The following ASIC2 variants were observed in gnomAD, a reference collection of about 807,000 sequenced individuals.
The protein encoded by ASIC2 is acid-sensing ion channel 2.
In ASIC2, 25 loss-of-function variants were observed where a neutral mutation model predicts 57.3. The ratio of observed to expected loss-of-function variants is 0.44; its 90% CI spans 0.32 to 0.61. ASIC2 has a LOEUF of 0.61. Ranked by LOEUF, ASIC2 falls within the 20% of genes least tolerant of loss-of-function variation. The pLI is 0.06. For synonymous variants in ASIC2, 319 were observed against 307.5 expected, an observed-to-expected ratio of 1.04 and a Z score of -0.39; for missense variants, 641 against 738.1, an observed-to-expected ratio of 0.87 and a Z score of 1.52.
intron 1 of ASIC2, among the ~76,000 whole-genome samples, chr17:33,657,844 G>T (rs1206097831): frequency 6.6e-6 from 1 of 151,852 alleles, no homozygotes; most frequent in Non-Finnish European, 1.5e-5. Flanking sequence ...AACTTAGTTG[G>T]AATCCAACAG....
intron 1 of ASIC2, among the ~76,000 whole-genome samples, chr17:33,998,519 C>T (rs752724227): frequency 6.6e-6 from 1 of 152,080 alleles, no homozygotes; most frequent in Non-Finnish European, 1.5e-5. Context: ...ATAAACCTCC[C>T]TCTTAGAGCA....
intron 1 of ASIC2, among the ~76,000 whole-genome samples, chr17:33,361,154 A>G (rs1470178617): frequency 6.6e-5 from 10 of 152,208 alleles, no homozygotes; most frequent in Middle Eastern, 3.2e-3. Context: ...CCCAACCTTG[A>G]ATGGAGGATA....
chr17:33,853,391 G>A (rs1034628724), intron 1 of ASIC2, among the ~76,000 whole-genome samples: 1 of 152,140 alleles, frequency 6.6e-6, no homozygotes, highest in African/African-American at 2.4e-5. Flanking sequence ...GCACAGTGCT[G>A]GGCACACATG....
At chr17:33,764,743 G>A (rs184441156) in intron 1 of ASIC2, among the ~76,000 whole-genome samples, 3 of 152,266 alleles carry the variant, frequency 2.0e-5, no homozygotes, top group Admixed American at 6.5e-5. Flanking sequence ...ACATGTTAAA[G>A]GCCCCATCTG....
chr17:33,677,202 T>C (rs1907849112), intron 1 of ASIC2, among the ~76,000 whole-genome samples: 1 of 152,214 alleles, frequency 6.6e-6, no homozygotes, highest in Non-Finnish European at 1.5e-5. Flanking sequence ...AACAGCCTTA[T>C]ATTGGAAGAA....
At chr17:33,982,873 C>T (rs1905675260) in intron 1 of ASIC2, among the ~76,000 whole-genome samples, 1 of 152,210 alleles carries the variant, frequency 6.6e-6, no homozygotes, top group African/African-American at 2.4e-5. Flanking sequence ...GTGTATAGAA[C>T]TCCCTGATAT....
chr17:33,591,149 C>T lies in ASIC2; in HGVS notation c.556-479082G>A, dbSNP rs147004719. Among the ~76,000 whole-genome samples, 238 of 152,324 alleles carry T rather than the reference C, an allele frequency of 1.6e-3. 1 individual carries two copies. Among genetic ancestry groups the T allele is most frequent in the African/African-American group, 5.6e-3 (234 of 41,576 alleles). On this transcript the variant is annotated intron_variant, in intron 1 of 9. Coordinates refer to the ASIC2 transcript ENST00000359872. Reference sequence around the variant, plus strand: ...TAAAAGGCTGTCTACTTTTAAGTAACTCCTTTGCTTTCATTTGGGAAAGCT... The same window carrying T: ...TAAAAGGCTGTCTACTTTTAAGTAATTCCTTTGCTTTCATTTGGGAAAGCT...
chr17:34,071,717 C>T (rs183711460), intron 1 of ASIC2: 1 of 152,132 alleles, frequency 6.6e-6, no homozygotes, highest in East Asian at 1.9e-4. Context: ...GTAATCCTAG[C>T]TACTGGGGAG....
At chr17:33,221,470 T>C (rs1044950139) in intron 1 of ASIC2, among the ~76,000 whole-genome samples, 3 of 152,244 alleles carry the variant, frequency 2.0e-5, no homozygotes, top group East Asian at 1.9e-4. Context: ...TTATCTTCAA[T>C]TGACCTCAGA....
At chr17:33,572,426 T>C (rs1597790398) in intron 1 of ASIC2, 1 of 152,222 alleles carries the variant, frequency 6.6e-6, no homozygotes, top group South Asian at 2.1e-4. Flanking sequence ...TATGCTTCCA[T>C]GTGAGGCCGG....
At chr17:33,608,285 C>T (rs1054820050) in intron 1 of ASIC2, among the ~76,000 whole-genome samples, 3 of 152,068 alleles carry the variant, frequency 2.0e-5, no homozygotes, top group African/African-American at 4.8e-5. Flanking sequence ...TCTGAGAGGT[C>T]GAGTAGTAGA....
At chr17:33,492,557 C>G (rs1035257105) in intron 1 of ASIC2, among the ~76,000 whole-genome samples, 2 of 152,186 alleles carry the variant, frequency 1.3e-5, no homozygotes, top group Non-Finnish European at 2.9e-5. Flanking sequence ...TTCCTCTTGC[C>G]CAGGGTCACA....
intron 1 of ASIC2, among the ~76,000 whole-genome samples, chr17:33,847,359 G>T (rs1302536547): frequency 6.6e-6 from 1 of 151,982 alleles, no homozygotes; most frequent in Non-Finnish European, 1.5e-5. Flanking sequence ...TTACCATCCA[G>T]TAAGAGTCAA....
intron 1 of ASIC2, among the ~76,000 whole-genome samples, chr17:33,183,405 G>A (rs929873193): frequency 3.9e-5 from 6 of 152,164 alleles, no homozygotes; most frequent in South Asian, 2.1e-4. Context: ...GAATGCAAGC[G>A]TGTATCATAA....
At chr17:34,130,966 C>G (rs1301856008) in intron 1 of ASIC2, among the ~76,000 whole-genome samples, 5 of 152,048 alleles carry the variant, frequency 3.3e-5, no homozygotes, top group Admixed American at 3.3e-4. Flanking sequence ...AGGGAGAGAT[C>G]GAGAAAGCCT....
chr17:33,935,982 TG>T (rs1205901263), intron 1 of ASIC2: 1 of 152,206 alleles, frequency 6.6e-6, no homozygotes, highest in Non-Finnish European at 1.5e-5. Flanking sequence ...TCAGGCTGTG[TG>T]ATACTGGGCA....
intron 1 of ASIC2, among the ~76,000 whole-genome samples, chr17:33,305,319 G>A (rs578262529): frequency 1.3e-5 from 2 of 152,224 alleles, no homozygotes; most frequent in Non-Finnish European, 2.9e-5. Flanking sequence ...CAGGCACCAG[G>A]GATTCCACAG....
chr17:34,131,864 G>A (rs1911978629), intron 1 of ASIC2, among the ~76,000 whole-genome samples: 1 of 152,204 alleles, frequency 6.6e-6, no homozygotes, highest in South Asian at 2.1e-4. Context: ...GAAAGCCTGA[G>A]TGCTGGCCCA....
At chr17:33,445,198 G>C (rs1009659621) in intron 1 of ASIC2, among the ~76,000 whole-genome samples, 1 of 152,166 alleles carries the variant, frequency 6.6e-6, no homozygotes, top group Non-Finnish European at 1.5e-5. Flanking sequence ...GGAGGCCAAG[G>C]CGTCTGATCA....
Sources: gnomAD v4.1 joint callset for allele counts (sites outside exome capture counted in the v4.1 genomes callset) on GRCh38, gnomAD v4.1.1 for gene constraint, MANE v1.5 for transcripts, NCBI Gene and HGNC (gene_info 2026-07-23, HGNC 2026-07-21) for gene names.